The following LHPP variants were observed in gnomAD, a reference collection of about 807,000 sequenced individuals.
LHPP encodes the protein phospholysine phosphohistidine inorganic pyrophosphate phosphatase, also known as hLHPP.
In LHPP, 24 loss-of-function variants were observed where a neutral mutation model predicts 30.3. That is an observed-to-expected ratio of 0.79 (90% CI 0.57 to 1.11). The LOEUF is 1.11. Ranked by LOEUF, LHPP falls within the 50% of genes most tolerant of loss-of-function variation. LHPP has a pLI of 0.00. For synonymous variants in LHPP, 150 were observed against 157.1 expected (o/e 0.95, Z 0.34); for missense variants, 356 against 367.2 (o/e 0.97, Z 0.25).
At chr10:124,471,421 TA>T (rs1952732682) in intron 1 of LHPP, among the ~76,000 whole-genome samples, 2 of 14,580 alleles carry the variant, frequency 1.4e-4, no homozygotes, top group Non-Finnish European at 3.1e-4. Flanking sequence ...TTATATATTA[TA>T]TATATATTTA....
intron 5 of LHPP, among the ~76,000 whole-genome samples, chr10:124,513,805 A>C (rs1954379256): frequency 6.7e-6 from 1 of 149,498 alleles, no homozygotes; most frequent in South Asian, 2.2e-4. Flanking sequence ...AAAAAAAAAG[A>C]GCATGAGTCC....
At chr10:124,601,599 C>T (rs989059290) in intron 6 of LHPP, among the ~76,000 whole-genome samples, 2 of 152,232 alleles carry the variant, frequency 1.3e-5, no homozygotes, top group Admixed American at 6.5e-5. Context: ...CTGCGGTGCC[C>T]GCAGTCAGTG....
chr10:124,515,117 G>GGGGTC (rs1554885359), intron 5 of LHPP, among the ~76,000 whole-genome samples: 1 of 152,162 alleles, frequency 6.6e-6, no homozygotes, highest in Non-Finnish European at 1.5e-5. Context: ...TCACTTTGAG[G>GGGGTC]AACTCTAATT....
chr10:124,469,144 G>A (rs1952647506), intron 1 of LHPP, among the ~76,000 whole-genome samples: 1 of 152,120 alleles, frequency 6.6e-6, no homozygotes, highest in Non-Finnish European at 1.5e-5. Flanking sequence ...GAGCTCAAAG[G>A]AAGTTCCTGG....
At chr10:124,559,848 T>A (rs181672362) in intron 6 of LHPP, among the ~76,000 whole-genome samples, 1 of 152,372 alleles carries the variant, frequency 6.6e-6, no homozygotes, top group African/African-American at 2.4e-5. Context: ...ATTGGCTCAG[T>A]AGCCCATGGG....
chr10:124,554,994 C>T (rs1035298821), intron 6 of LHPP, among the ~76,000 whole-genome samples: 2 of 152,214 alleles, frequency 1.3e-5, no homozygotes, highest in Admixed American at 6.5e-5. Flanking sequence ...CAGCTTTATG[C>T]GGCTGGCATT....
At chr10:124,555,691 T>G (rs1228953254) in intron 6 of LHPP, among the ~76,000 whole-genome samples, 1 of 152,266 alleles carries the variant, frequency 6.6e-6, no homozygotes, top group South Asian at 2.1e-4. Context: ...ATATTTTATC[T>G]GATTTTCTAG....
chr10:124,468,695 A>G (rs1279474582), intron 1 of LHPP, among the ~76,000 whole-genome samples: 1 of 152,116 alleles, frequency 6.6e-6, no homozygotes, highest in Non-Finnish European at 1.5e-5. Context: ...TTCCGCCCAC[A>G]CCAGCGTGCC....
chr10:124,519,400 T>A (rs1017743753), intron 6 of LHPP, among the ~76,000 whole-genome samples: 1 of 152,242 alleles, frequency 6.6e-6, no homozygotes, highest in Non-Finnish European at 1.5e-5. Context: ...CACTGTTTTA[T>A]GGCCTCTTTC....
intron 6 of LHPP, among the ~76,000 whole-genome samples, chr10:124,579,842 C>T (rs185427465): frequency 3.5e-4 from 53 of 152,214 alleles, no homozygotes; most frequent in Non-Finnish European, 2.2e-4. Context: ...ATTAGATATA[C>T]GCTGTTGATG....
In LHPP at chr10:124,562,028, C is replaced by A. The variant is rs141762079; in HGVS notation, c.716+44757C>A. On this transcript the variant is annotated intron_variant, in intron 6 of 6. Transcript: ENST00000368842. ...AGCAAAGAAATAGAAGATACAGGGC[C>A]AGGTACGGTGGCTCATGCCTGTGAT... Among the ~76,000 whole-genome samples, 131 of 152,302 alleles carry A rather than the reference C, an allele frequency of 8.6e-4. 1 individual carries two copies. The East Asian group carries it at 0.023, about 27-fold the overall frequency.
At chr10:124,543,432 G>A (rs1354798012) in intron 6 of LHPP, among the ~76,000 whole-genome samples, 2 of 152,276 alleles carry the variant, frequency 1.3e-5, no homozygotes, top group Admixed American at 1.3e-4. Flanking sequence ...GTGATGTGCT[G>A]ACTGGGAACG....
At chr10:124,548,720 C>A (rs1211021155) in intron 6 of LHPP, among the ~76,000 whole-genome samples, 1 of 152,166 alleles carries the variant, frequency 6.6e-6, no homozygotes, top group East Asian at 1.9e-4. Flanking sequence ...CCTTGCTGGG[C>A]GGGCAGGTGG....
intron 6 of LHPP, among the ~76,000 whole-genome samples, chr10:124,581,239 TC>T (rs1948738996): frequency 1.3e-5 from 2 of 152,370 alleles, no homozygotes; most frequent in Non-Finnish European, 1.5e-5. Context: ...GGACTTCATT[TC>T]TTTTTATGGC....
At chr10:124,484,371 C>G in intron 2 of LHPP, 45 bp downstream of exon 2, 3 of 1,568,242 alleles carry the variant, frequency 1.9e-6, no homozygotes, top group Non-Finnish European at 2.6e-6. Context: ...GAAAGCTCCC[C>G]TTTCCCAGGG....
intron 4 of LHPP, among the ~76,000 whole-genome samples, chr10:124,497,631 A>C (rs914252737): frequency 2.0e-5 from 3 of 152,092 alleles, no homozygotes; most frequent in Admixed American, 6.6e-5. Context: ...GTCAGGTGGG[A>C]GGGAGAGGCA....
chr10:124,480,655 G>A (rs907646759), intron 1 of LHPP, among the ~76,000 whole-genome samples: 1 of 152,178 alleles, frequency 6.6e-6, no homozygotes, highest in African/African-American at 2.4e-5. Context: ...GACGCTATTA[G>A]TTACAATATA....
At chr10:124,506,344 A>G (rs1014938584) in intron 5 of LHPP, among the ~76,000 whole-genome samples, 4 of 138,668 alleles carry the variant, frequency 2.9e-5, no homozygotes, top group South Asian at 2.3e-4. Flanking sequence ...GGGATGTCCT[A>G]TGCATTGTAG....
chr10:124,574,803 C>T (rs1013746641), intron 6 of LHPP, among the ~76,000 whole-genome samples: 3 of 152,140 alleles, frequency 2.0e-5, no homozygotes, highest in Non-Finnish European at 2.9e-5. Context: ...GCACACCCCT[C>T]CTCGTCTTCC....
Sources: gnomAD v4.1 joint callset for allele counts (sites outside exome capture counted in the v4.1 genomes callset) on GRCh38, gnomAD v4.1.1 for gene constraint, MANE v1.5 for transcripts, NCBI Gene and HGNC (gene_info 2026-07-23, HGNC 2026-07-21) for gene names.